The following CLEC1A variants were observed in gnomAD, a reference collection of about 807,000 sequenced individuals.
CLEC1A encodes the protein C-type lectin domain family 1 member A.
In CLEC1A, 34 loss-of-function variants were observed where a neutral mutation model predicts 28.7. The ratio of observed to expected loss-of-function variants is 1.18; its 90% CI spans 0.90 to 1.57. The LOEUF is 1.57. Ranked by LOEUF, CLEC1A falls within the 40% of genes most tolerant of loss-of-function variation. The pLI is 0.00. For missense variants in CLEC1A, 385 were observed against 339.5 expected (o/e 1.13, Z -1.05); for synonymous variants, 116 against 121.0 (o/e 0.96, Z 0.27).
intron 2 of CLEC1A, chr12:10,084,109 A>G (rs900197932): frequency 6.6e-6 from 1 of 152,238 alleles, no homozygotes; most frequent in Non-Finnish European, 1.5e-5. Context: ...AAGTTTGGAA[A>G]ACTTATTTGA....
chr12:10,090,413 G>A (rs1164238112), intron 1 of CLEC1A, among the ~76,000 whole-genome samples: 1 of 152,066 alleles, frequency 6.6e-6, no homozygotes, highest in Non-Finnish European at 1.5e-5. Flanking sequence ...ACCACGCCTG[G>A]CTAATTTTTT....
At chr12:10,096,000 C>A (rs1300967251) in intron 1 of CLEC1A, among the ~76,000 whole-genome samples, 1 of 152,092 alleles carries the variant, frequency 6.6e-6, no homozygotes, top group African/African-American at 2.4e-5. Context: ...TACATTCCTT[C>A]CCTCAGTGAT....
At chr12:10,084,694 C>G (rs1045338052) in intron 2 of CLEC1A, among the ~76,000 whole-genome samples, 3 of 151,602 alleles carry the variant, frequency 2.0e-5, no homozygotes, top group Non-Finnish European at 4.4e-5. Context: ...TGGTGGCAGG[C>G]GCCTGTAGTC....
intron 2 of CLEC1A, among the ~76,000 whole-genome samples, chr12:10,087,472 T>TTTA (rs1866520097): frequency 1.3e-5 from 1 of 75,204 alleles, no homozygotes; most frequent in East Asian, 8.8e-4. Context: ...TACCTCAAAG[T>TTTA]TATATATATA....
intron 2 of CLEC1A, among the ~76,000 whole-genome samples, chr12:10,084,895 T>C (rs1340687966): frequency 6.7e-6 from 1 of 149,146 alleles, no homozygotes; most frequent in Admixed American, 6.7e-5. Context: ...AATGAACACT[T>C]ACCAGATTAA....
chr12:10,090,823 T>TAA (rs11393834), intron 1 of CLEC1A, among the ~76,000 whole-genome samples: 2,981 of 151,778 alleles, frequency 0.02, 98 homozygotes, highest in African/African-American at 0.066. Context: ...CTCCTTTTTT[T>TAA]AAAAAAAATG....
chr12:10,080,922 T>C (rs1210564869), intron 3 of CLEC1A, among the ~76,000 whole-genome samples: 1 of 152,222 alleles, frequency 6.6e-6, no homozygotes, highest in Non-Finnish European at 1.5e-5. Context: ...AGGAAAGAAT[T>C]TGTAAGAACA....
intron 4 of CLEC1A, 144 bp downstream of exon 4, chr12:10,075,360 C>G: frequency 1.3e-6 from 1 of 741,740 alleles, no homozygotes; most frequent in Non-Finnish European, 2.2e-6. Context: ...CCGTTCAAAG[C>G]AATAGGAATA....
rs1339981066 is a variant in CLEC1A, at chr12:10,073,489, G to A, written c.544-78C>T. ...TGTACAGACATGCATGGGCCAGCCA[G>A]CACTTTTCTCAAAGCACACACAAGT... On this transcript the variant is annotated intron_variant, in intron 4 of 5. Coordinates refer to ENST00000315330, the MANE Select transcript of CLEC1A (RefSeq NM_016511.4). 5.2e-5 allele frequency: 53 copies of A among 1,014,628 alleles called. No individual in the cohort carries two copies. The Admixed American group carries it at 1.0e-3, about 20-fold the overall frequency. 62.9% of individuals were successfully genotyped at this position (1,014,628 alleles called of 1,614,324 possible).
intron 5 of CLEC1A, among the ~76,000 whole-genome samples, chr12:10,072,634 A>AGCTCTC (rs1866158139): frequency 6.8e-6 from 1 of 148,074 alleles, no homozygotes; most frequent in Non-Finnish European, 1.5e-5. Context: ...TCAGGGAAAG[A>AGCTCTC]TCTCTCTCTC....
intron 1 of CLEC1A, among the ~76,000 whole-genome samples, chr12:10,096,467 T>C (rs1947777455): frequency 6.6e-6 from 1 of 152,168 alleles, no homozygotes; most frequent in Admixed American, 6.6e-5. Flanking sequence ...AAAAATTTGG[T>C]ATCAGCACAT....
intron 1 of CLEC1A, among the ~76,000 whole-genome samples, chr12:10,096,994 T>C (rs1044508226): frequency 6.6e-6 from 1 of 152,192 alleles, no homozygotes; most frequent in African/African-American, 2.4e-5. Flanking sequence ...TTGAGAATTG[T>C]ATTAGACTTT....
intron 4 of CLEC1A, among the ~76,000 whole-genome samples, 194 bp from the exon 5 acceptor site, chr12:10,073,605 G>T (rs1200270234): frequency 1.3e-5 from 2 of 152,196 alleles, no homozygotes; most frequent in African/African-American, 4.8e-5. Flanking sequence ...AACTTATTTT[G>T]TCTTAGTAAA....
At chr12:10,089,314 C>T in intron 1 of CLEC1A, 92 bp from the exon 2 acceptor site, 1 of 1,020,134 alleles carries the variant, frequency 9.8e-7, no homozygotes, top group Non-Finnish European at 1.5e-6. Flanking sequence ...TAATTCTGCA[C>T]AAGAACAAAT....
In CLEC1A at chr12:10,071,211, C is replaced by T; in HGVS notation, c.*122G>A. 3 of 873,900 alleles carry T rather than the reference C, an allele frequency of 3.4e-6. No individual in the cohort carries two copies. The highest frequency in any genetic ancestry group is 3.4e-6 in the Non-Finnish European group (2 of 582,206). 54.1% of individuals were successfully genotyped at this position (873,900 alleles called of 1,614,324 possible). A position where few individuals can be genotyped will look rare whatever the true frequency, so the allele number is the denominator to read the frequency against. Reference sequence around the variant, plus strand: ...TGATCCTGAACAGGAAACACGAGAACCCATTTTGTACTAGTCAGAGAGATA... The same window carrying T: ...TGATCCTGAACAGGAAACACGAGAATCCATTTTGTACTAGTCAGAGAGATA... On this transcript the variant is annotated 3_prime_UTR_variant, in exon 6 of 6. Coordinates refer to ENST00000315330, the MANE Select transcript of CLEC1A (RefSeq NM_016511.4).
At chr12:10,074,260 T>G (rs1445623735) in intron 4 of CLEC1A, among the ~76,000 whole-genome samples, 2 of 152,140 alleles carry the variant, frequency 1.3e-5, no homozygotes. Context: ...CATTGTTACA[T>G]CCAAAACCCC....
At chr12:10,089,622 A>G (rs943410810) in intron 1 of CLEC1A, among the ~76,000 whole-genome samples, 2 of 152,100 alleles carry the variant, frequency 1.3e-5, no homozygotes, top group African/African-American at 4.8e-5. Context: ...AACTTTTTAC[A>G]TAATCAGGGG....
Position 10,073,211 on chromosome 12 carries a change from A to G in CLEC1A, c.662+82T>C, listed in dbSNP as rs932316392. On this transcript the variant is annotated intron_variant, in intron 5 of 5. Transcript: ENST00000315330. ...AAAGCAGAAGTTTGATTAATACTTG[A>G]TGGACCAAATTCTTGAGCTCTATCA... 72 of 995,146 alleles carry G rather than the reference A, an allele frequency of 7.2e-5. 1 individual carries two copies. Among genetic ancestry groups the G allele is most frequent in the Non-Finnish European group, 1.1e-4 (67 of 630,856 alleles). 61.6% of individuals were successfully genotyped at this position (995,146 alleles called of 1,614,324 possible). A position where few individuals can be genotyped will look rare whatever the true frequency, so the allele number is the denominator to read the frequency against.
chr12:10,094,006 C>T (rs1248421563), intron 1 of CLEC1A, among the ~76,000 whole-genome samples: 1 of 151,908 alleles, frequency 6.6e-6, no homozygotes, highest in African/African-American at 2.4e-5. Context: ...TCTGTGTTAT[C>T]CTTCCTATTA....
Sources: gnomAD v4.1 joint callset for allele counts (sites outside exome capture counted in the v4.1 genomes callset) on GRCh38, gnomAD v4.1.1 for gene constraint, MANE v1.5 for transcripts, NCBI Gene and HGNC (gene_info 2026-07-23, HGNC 2026-07-21) for gene names.